WASHC2A: variants seen among roughly 807,000 people sequenced by gnomAD.
The protein encoded by WASHC2A is WASH complex subunit 2A.
In WASHC2A, 82 loss-of-function variants were observed where a neutral mutation model predicts 140.3. That is an observed-to-expected ratio of 0.58 (90% confidence interval 0.49 to 0.70). The LOEUF is 0.70. WASHC2A is among the 30% of genes least tolerant of loss of function. WASHC2A has a pLI of 0.00. For synonymous variants in WASHC2A, 340 were observed against 560.8 expected (o/e 0.61, Z 5.56); for missense variants, 985 against 1,521.8 (o/e 0.65, Z 5.87).
Position 50,095,682 on chromosome 10 carries a change from C to T in WASHC2A, c.1324C>T (p.Pro442Ser), listed in dbSNP as rs1306585214. ...KPEQPTPRKS[P>S]YGPPPTGLFD... ...TGAGCAGCCCACTCCAAGGAAAAGC[C>T]CCTATGGTCCCCCTCCCACTGGCCT... Residue 442 changes from proline (P) to serine (S), a missense_variant, in exon 15 of 31, where the codon CCC becomes TCC. Pro to Ser is a moderately conservative substitution (Grantham distance 74, BLOSUM62 -1). Transcript: ENST00000282633. The T allele has an allele frequency of 7.9e-4, 1,268 of 1,611,420 alleles. No homozygotes were observed. The highest frequency in any genetic ancestry group is 9.8e-4 in the Non-Finnish European group (1,161 of 1,179,774).
chr10:50,068,138 C>G lies in WASHC2A; in HGVS notation c.37C>G (p.Pro13Ala). The G allele has an allele frequency of 6.2e-7, 1 of 1,601,996 alleles. No individual in the cohort carries two copies. The highest frequency in any genetic ancestry group is 8.5e-7 in the Non-Finnish European group (1 of 1,174,716). ...GACGACCCCCGACCAGGAGCTGGCG[C>G]CAGCGTCGGAGCCCGTGTGGGAGCG... ...NRTTPDQELA[P>A]ASEPVWERPW... Residue 13 changes from proline to alanine, a missense_variant, in exon 2 of 31, where the codon CCA (proline) becomes GCA (alanine). Pro to Ala is a conservative substitution (Grantham distance 27). Coordinates refer to ENST00000282633, the MANE Select transcript of WASHC2A (RefSeq NM_001005751.3).
chr10:50,090,215 T>G (rs1271413276), intron 8 of WASHC2A, among the ~76,000 whole-genome samples: 2 of 151,310 alleles, frequency 1.3e-5, no homozygotes, highest in African/African-American at 4.9e-5. Context: ...AAGGATACAT[T>G]TTTAGGCCGG....
intron 19 of WASHC2A, 32 bp downstream of exon 19, chr10:50,106,497 A>G (rs1554888639): frequency 6.2e-7 from 1 of 1,607,922 alleles, no homozygotes; most frequent in South Asian, 1.1e-5. Flanking sequence ...AGAAGAGGGG[A>G]TTATTTCATG....
chr10:50,101,516 C>G (rs1234551412), intron 17 of WASHC2A, among the ~76,000 whole-genome samples: 7 of 151,716 alleles, frequency 4.6e-5, no homozygotes, highest in African/African-American at 1.7e-4. Context: ...CACTAAAGTA[C>G]GTGCCATGAG....
chr10:50,095,660 G>T lies in WASHC2A; in HGVS notation c.1302G>T (p.Glu434Asp). 6.2e-7 allele frequency: 1 copy of T among 1,611,738 alleles called. No homozygotes were observed. Among genetic ancestry groups the T allele is most frequent in the Non-Finnish European group, 8.5e-7 (1 of 1,179,806 alleles). The change falls in exon 15 of 31, where the codon GAG becomes GAT. Residue 434 changes from glutamate (E) to aspartate (D), a missense_variant. By Grantham distance (45) the Glu-to-Asp change is conservative. Coordinates refer to ENST00000282633, the MANE Select transcript of WASHC2A (RefSeq NM_001005751.3). ...VPSMKEPQKP[E>D]QPTPRKSPYG... ...CAATGAAGGAGCCACAGAAGCCTGA[G>T]CAGCCCACTCCAAGGAAAAGCCCCT...
In WASHC2A at chr10:50,132,859, T is replaced by C. The variant is rs772461813; in HGVS notation, c.3940T>C (p.Ser1314Pro). 54 of 1,611,902 alleles carry C rather than the reference T, an allele frequency of 3.4e-5. No individual in the cohort carries two copies. The highest frequency in any genetic ancestry group is 6.7e-5 in the Admixed American group (4 of 60,002). Residue 1314 changes from serine to proline, a missense_variant, in exon 31 of 31, where the codon TCT becomes CCT. Physicochemically the swap from Ser to Pro is moderately conservative, Grantham distance 74. Coordinates refer to ENST00000282633, the MANE Select transcript of WASHC2A (RefSeq NM_001005751.3). ...QAKTTKPKSR[S>P]AQAAPEPRFE... ...TAAGACAACCAAACCAAAAAGCCGA[T>C]CTGCACAGGCCGCACCTGAACCAAG...
chr10:50,107,604 G>T (rs1193195470), intron 19 of WASHC2A, among the ~76,000 whole-genome samples: 1 of 134,408 alleles, frequency 7.4e-6, no homozygotes, highest in Non-Finnish European at 1.5e-5. Context: ...AAATTCCGAA[G>T]CAGATTGCAA....
At chr10:50,097,840 C>T in intron 16 of WASHC2A, 38 bp downstream of exon 16, 1 of 1,611,482 alleles carries the variant, frequency 6.2e-7, no homozygotes, top group Non-Finnish European at 8.5e-7. Context: ...GAGCATTGAT[C>T]TGCCGCATTT....
chr10:50,129,511 C>T lies in WASHC2A; in HGVS notation c.3180C>T (p.Ser1060=), dbSNP rs771779081. Residue 1060 remains serine, a synonymous_variant, in exon 29 of 31, where the codon AGC becomes AGT. Transcript: ENST00000282633. ...AQESSETEDM[S]VPRGPIAQWA... is the part of the protein sequence containing the mutation. ...AGTCCAGCGAGACTGAGGACATGAG[C>T]GTCCCCAGAGGACCCATTGCACAGT... 1.6e-5 allele frequency: 25 copies of T among 1,611,920 alleles called. No homozygotes were observed. Among genetic ancestry groups the T allele is most frequent in the East Asian group, 4.5e-5 (2 of 44,886 alleles).
intron 23 of WASHC2A, among the ~76,000 whole-genome samples, chr10:50,122,102 AC>A (rs1466486424): frequency 7.1e-6 from 1 of 141,664 alleles, no homozygotes; most frequent in Non-Finnish European, 1.5e-5. Flanking sequence ...TTCAAAACTT[AC>A]TTTAAGACAG....
At chr10:50,079,897 A>G (rs1191439912) in intron 4 of WASHC2A, among the ~76,000 whole-genome samples, 1 of 151,870 alleles carries the variant, frequency 6.6e-6, no homozygotes, top group Non-Finnish European at 1.5e-5. Context: ...GCATATCCAA[A>G]TAGAAAAATA....
intron 5 of WASHC2A, among the ~76,000 whole-genome samples, chr10:50,082,188 T>C (rs1486434148): frequency 6.7e-6 from 1 of 150,350 alleles, no homozygotes; most frequent in Non-Finnish European, 1.5e-5. Context: ...AGGTACACTT[T>C]TCTTTTGTAG....
chr10:50,113,515 T>C (rs1201755584), intron 20 of WASHC2A, among the ~76,000 whole-genome samples: 41,006 of 151,924 alleles, frequency 0.27, 6,705 homozygotes, highest in Middle Eastern at 0.4. Context: ...GGCAACCGTC[T>C]TCATGACAAT....
intron 4 of WASHC2A, among the ~76,000 whole-genome samples, chr10:50,079,403 A>T (rs2458463): frequency 1.3e-5 from 2 of 152,086 alleles, no homozygotes; most frequent in South Asian, 2.1e-4. Context: ...ATTTAAAAAA[A>T]TTTTTTATTT....
intron 19 of WASHC2A, among the ~76,000 whole-genome samples, chr10:50,109,775 T>C (rs1390000108): frequency 6.6e-6 from 1 of 152,184 alleles, no homozygotes; most frequent in Non-Finnish European, 1.5e-5. Flanking sequence ...ATTGGACTTT[T>C]TTTTCTTTTT....
chr10:50,070,129 G>A (rs1358317480), intron 3 of WASHC2A, among the ~76,000 whole-genome samples: 1 of 152,176 alleles, frequency 6.6e-6, no homozygotes, highest in Non-Finnish European at 1.5e-5. Flanking sequence ...GGATATATAT[G>A]TCTGCTTGCA....
chr10:50,116,318 ATT>A (rs1177525686), intron 21 of WASHC2A, among the ~76,000 whole-genome samples: 5 of 54,708 alleles, frequency 9.1e-5, no homozygotes, highest in Admixed American at 2.0e-4. Flanking sequence ...AATTATTATT[ATT>A]TTTTTTTTTT....
At chr10:50,095,519 G>A (rs1840398651) in intron 14 of WASHC2A, 80 bp from the exon 15 acceptor site, 1 of 1,550,022 alleles carries the variant, frequency 6.5e-7, no homozygotes, top group African/African-American at 1.4e-5. Flanking sequence ...AAAGTTTTTG[G>A]TGGGTGATAA....
Position 50,071,357 on chromosome 10 carries a change from G to A in WASHC2A, c.291+1646G>A, listed in dbSNP as rs534069302. On this transcript the variant is annotated intron_variant, in intron 3 of 30. Coordinates refer to ENST00000282633, the MANE Select transcript of WASHC2A (RefSeq NM_001005751.3). ...GTCTCACTCTGTCACCCAGGCTGGA[G>A]TGCAGTGGTGCGATCTCCGCTCACT... 1.4e-3 allele frequency among the ~76,000 whole-genome samples: 207 copies of A among 150,440 alleles called. 2 individuals are homozygous for A. The highest frequency in any genetic ancestry group is 0.012 in the South Asian group (54 of 4,688).
Sources: gnomAD v4.1 joint callset for allele counts (sites outside exome capture counted in the v4.1 genomes callset) on GRCh38, gnomAD v4.1.1 for gene constraint, MANE v1.5 for transcripts, NCBI Gene and HGNC (gene_info 2026-07-23, HGNC 2026-07-21) for gene names.